The following ZSWIM6 variants were observed in gnomAD, a reference collection of about 807,000 sequenced individuals.
ZSWIM6 encodes the protein zinc finger SWIM-type containing 6, also known as zinc finger SWIM domain-containing protein 6.
A neutral mutation model predicts 113.2 loss-of-function variants in ZSWIM6; 9 were observed. The ratio of observed to expected loss-of-function variants is 0.08; its 90% CI spans 0.05 to 0.14. ZSWIM6 has a LOEUF of 0.14. Ranked by LOEUF, ZSWIM6 falls within the 10% of genes least tolerant of loss-of-function variation. ZSWIM6 has a pLI of 1.00. For synonymous variants in ZSWIM6, 611 were observed against 606.5 expected (o/e 1.01, Z -0.11); for missense variants, 1,162 against 1,552.2 (o/e 0.75, Z 4.22).
chr5:61,387,158 C>T (rs546394284), intron 1 of ZSWIM6, among the ~76,000 whole-genome samples: 25 of 152,316 alleles, frequency 1.6e-4, no homozygotes, highest in African/African-American at 5.8e-4. Context: ...GAGAAATCTA[C>T]ACTTTCCCCC....
rs1744271000 is a variant in ZSWIM6, at chr5:61,332,404, A to G, written c.132A>G (p.Pro44=). 1.0e-6 allele frequency: 1 copy of G among 989,816 alleles called. No individual in the cohort carries two copies. The highest frequency in any genetic ancestry group is 1.2e-6 in the Non-Finnish European group (1 of 836,324). 61.3% of individuals were successfully genotyped at this position (989,816 alleles called of 1,614,324 possible). The part of the protein sequence containing the change: ...AGGGYSSACR[P]GPRAGGAAAA... Reference sequence around the variant, plus strand: ...GCGGCTACAGCTCTGCCTGTCGGCCAGGCCCGCGGGCGGGTGGCGCGGCGG... The same window carrying G: ...GCGGCTACAGCTCTGCCTGTCGGCCGGGCCCGCGGGCGGGTGGCGCGGCGG... The change falls in exon 1 of 14, where the codon CCA becomes CCG. Residue 44 remains proline, a synonymous_variant. Transcript: ENST00000252744.
intron 10 of ZSWIM6, among the ~76,000 whole-genome samples, chr5:61,537,917 A>G: frequency 6.6e-6 from 1 of 152,214 alleles, no homozygotes; most frequent in East Asian, 1.9e-4. Context: ...CTTTGCTTTT[A>G]GAAATTTTTT....
intron 1 of ZSWIM6, among the ~76,000 whole-genome samples, chr5:61,369,875 T>G (rs983797235): frequency 6.6e-6 from 1 of 152,176 alleles, no homozygotes; most frequent in African/African-American, 2.4e-5. Context: ...AAGAGTTAAG[T>G]GGTGTAAATG....
chr5:61,417,603 AG>A (rs1561229350), intron 1 of ZSWIM6, among the ~76,000 whole-genome samples: 1 of 152,188 alleles, frequency 6.6e-6, no homozygotes, highest in Non-Finnish European at 1.5e-5. Context: ...TAATCAAAAG[AG>A]GTTCATGTTA....
chr5:61,492,084 C>T (rs1460959133), intron 3 of ZSWIM6, among the ~76,000 whole-genome samples: 1 of 152,008 alleles, frequency 6.6e-6, no homozygotes, highest in Non-Finnish European at 1.5e-5. Context: ...TACCATTAGG[C>T]TATAGATGTA....
At chr5:61,371,473 C>G (rs1009202286) in intron 1 of ZSWIM6, among the ~76,000 whole-genome samples, 2 of 152,134 alleles carry the variant, frequency 1.3e-5, no homozygotes, top group African/African-American at 2.4e-5. Context: ...TAAAGAGAAG[C>G]ACGTCAGAAT....
intron 2 of ZSWIM6, among the ~76,000 whole-genome samples, chr5:61,477,803 C>G (rs972238588): frequency 1.6e-4 from 24 of 152,172 alleles, no homozygotes; most frequent in South Asian, 2.1e-4. Context: ...GATAGCTTCT[C>G]TAAGCACAAT....
At chr5:61,380,109 C>G (rs1745445539) in intron 1 of ZSWIM6, among the ~76,000 whole-genome samples, 1 of 151,742 alleles carries the variant, frequency 6.6e-6, no homozygotes, top group Non-Finnish European at 1.5e-5. Context: ...GAGTTTCGCT[C>G]CTGTCACCCA....
chr5:61,340,072 C>A (rs1744510113), intron 1 of ZSWIM6, among the ~76,000 whole-genome samples: 1 of 152,182 alleles, frequency 6.6e-6, no homozygotes, highest in Non-Finnish European at 1.5e-5. Context: ...TTTTTGCTTT[C>A]AGTGCCCTGT....
Position 61,332,352 on chromosome 5 carries a change from GCA to G in ZSWIM6, c.81_82del (p.Ser27ArgfsTer72). The G allele has an allele frequency of 3.0e-6, 3 of 1,013,186 alleles. No homozygotes were observed. The highest frequency in any genetic ancestry group is 3.6e-6 in the Non-Finnish European group (3 of 834,326). The allele number at this position is 1,013,186 out of a possible 1,614,324, so 62.8% of individuals were successfully genotyped here. Reference sequence around the variant, plus strand: ...GGCGGCGGCGGCGGCGGCGGGGGCAGCAGCGGCGGCGGCGGCGGCGCGGGTGG... The same window carrying G: ...GGCGGCGGCGGCGGCGGCGGGGGCAGGCGGCGGCGGCGGCGGCGCGGGTGG... On this transcript the variant is annotated frameshift_variant, in exon 1 of 14. Coordinates refer to ENST00000252744, the MANE Select transcript of ZSWIM6 (RefSeq NM_020928.2). LOFTEE classifies it high-confidence loss of function.
In ZSWIM6 at chr5:61,545,104, T is replaced by C. The variant is rs1749852059; in HGVS notation, c.*787T>C. On this transcript the variant is annotated 3_prime_UTR_variant, in exon 14 of 14. Coordinates refer to ENST00000252744, the MANE Select transcript of ZSWIM6 (RefSeq NM_020928.2). ...ACAAAAAAAAAACTGAGAGAAAACC[T>C]ATCAGAAGGACTAAAAGTACGCCTT... The C allele has an allele frequency of 6.6e-6, 1 of 151,618 alleles. No homozygotes were observed. The allele number at this position is 151,618 out of a possible 1,614,324, so 9.4% of individuals were successfully genotyped here. A position where few individuals can be genotyped will look rare whatever the true frequency, so the allele number is the denominator to read the frequency against.
At chr5:61,539,813 CTCT>C in intron 12 of ZSWIM6, 54 bp downstream of exon 12, 1 of 1,483,040 alleles carries the variant, frequency 6.7e-7, no homozygotes, top group Non-Finnish European at 9.0e-7. Flanking sequence ...ATAAAGGCAC[CTCT>C]TAGGGTTGTT....
intron 5 of ZSWIM6, among the ~76,000 whole-genome samples, chr5:61,522,101 T>G (rs543064735): frequency 6.6e-6 from 1 of 151,590 alleles, no homozygotes; most frequent in African/African-American, 2.4e-5. Flanking sequence ...TTGTTTTTTT[T>G]TGTTTTTTGT....
At chr5:61,518,981 G>A (rs1457047046) in intron 4 of ZSWIM6, among the ~76,000 whole-genome samples, 1 of 151,806 alleles carries the variant, frequency 6.6e-6, no homozygotes, top group Admixed American at 6.6e-5. Context: ...TGTAAGGAAG[G>A]GATCCAGTTT....
At chr5:61,521,212 G>A in intron 4 of ZSWIM6, 51 bp from the exon 5 acceptor site, 2 of 1,110,186 alleles carry the variant, frequency 1.8e-6, no homozygotes, top group Non-Finnish European at 2.3e-6. Flanking sequence ...GATAAAATTG[G>A]ATGTTTTTAT....
rs759301728 is a variant in ZSWIM6, at chr5:61,525,991, C to T, written c.1690+15C>T. On this transcript the variant is annotated intron_variant, in intron 6 of 13. Transcript: ENST00000252744. ...CCTCTGGCATGGTAAGTGACCAAAC[C>T]GGAAAGACATTTCCATGACTTACTT... The T allele has an allele frequency of 4.1e-5, 64 of 1,551,380 alleles. No homozygotes were observed. Among genetic ancestry groups the T allele is most frequent in the Admixed American group, 3.7e-4 (19 of 50,972 alleles).
chr5:61,483,317 C>A (rs1269966200), intron 2 of ZSWIM6, among the ~76,000 whole-genome samples: 1 of 152,178 alleles, frequency 6.6e-6, no homozygotes, highest in African/African-American at 2.4e-5. Flanking sequence ...TTAATACATT[C>A]ACCAGGGCAG....
chr5:61,472,867 A>T lies in ZSWIM6; in HGVS notation c.863A>T (p.Gln288Leu). The change falls in exon 2 of 14, where the codon CAG (glutamine) becomes CTG (leucine). Residue 288 changes from glutamine to leucine, a missense_variant. Physicochemically the swap from Gln to Leu is moderately radical, Grantham distance 113. Around this residue, in one of 4 missense-constraint regions of ZSWIM6, gnomAD observed 96 missense variants for 240.3 expected, o/e 0.40. Transcript: ENST00000252744. The surrounding 1 kb of genome is among the most constrained non-coding windows in gnomAD (Gnocchi z 4.1). ...TTATACCGCATCCGCAAGCCAGATC[A>T]GGTCAAACTGCATCTTCCTATTTCA... The part of the protein sequence containing the change: ...LSLYRIRKPD[Q>L]VKLHLPISET... The T allele has an allele frequency of 6.4e-7, 1 of 1,551,718 alleles. No homozygotes were observed. Among genetic ancestry groups the T allele is most frequent in the Non-Finnish European group, 8.7e-7 (1 of 1,146,972 alleles).
rs1185433684 is a variant in ZSWIM6 at position 61,521,425 on chromosome 5, G to A, written c.1496G>A (p.Gly499Asp). ...AACTTAACCAATGCTCTGCCTCAGG[G>A]TGCAAATGCCAACCAAGGTGAGTCT... ...LPNLTNALPQGANANQDSSNR... is the reference protein window; with the variant it reads ...LPNLTNALPQDANANQDSSNR... Residue 499 changes from glycine to aspartate, a missense_variant, in exon 5 of 14, where the codon GGT (glycine) becomes GAT (aspartate). Physicochemically the swap from Gly to Asp is moderately conservative, Grantham distance 94. Around this residue, in one of 4 missense-constraint regions of ZSWIM6, gnomAD observed 620 missense variants for 804.6 expected, o/e 0.77. Transcript: ENST00000252744. The A allele has an allele frequency of 6.8e-7, 1 of 1,476,908 alleles. No individual in the cohort carries two copies. The allele number at this position is 1,476,908 out of a possible 1,614,324, so 91.5% of individuals were successfully genotyped here. A position where few individuals can be genotyped will look rare whatever the true frequency, so the allele number is the denominator to read the frequency against.
Sources: gnomAD v4.1 joint callset for allele counts (sites outside exome capture counted in the v4.1 genomes callset) on GRCh38, gnomAD v4.1.1 for gene constraint, gnomAD v4.1.1 regional missense constraint, Gnocchi (gnomAD v3.1) non-coding constraint, MANE v1.5 for transcripts, NCBI Gene and HGNC (gene_info 2026-07-23, HGNC 2026-07-21) for gene names.